BCAS1: variants seen among roughly 807,000 people sequenced by gnomAD.
The protein encoded by BCAS1 is breast carcinoma-amplified sequence 1.
BCAS1 carries 46 observed loss-of-function variants against 65.4 expected under a neutral mutation model. The ratio of observed to expected loss-of-function variants is 0.70; its 90% CI spans 0.55 to 0.90. BCAS1 has a LOEUF of 0.90. BCAS1 is among the 40% of genes least tolerant of loss of function. The pLI, the probability that BCAS1 is intolerant of heterozygous loss-of-function variation, is 0.00. For synonymous variants in BCAS1, 298 were observed against 293.5 expected, an observed-to-expected ratio of 1.02 and a Z score of -0.16; for missense variants, 793 against 771.2, an observed-to-expected ratio of 1.03 and a Z score of -0.33.
chr20:54,049,005 T>A (rs190032819), intron 3 of BCAS1, among the ~76,000 whole-genome samples: 1 of 152,330 alleles, frequency 6.6e-6, no homozygotes, highest in East Asian at 1.9e-4. Context: ...GGAGAACACA[T>A]GTATTTGCTC....
intron 4 of BCAS1, among the ~76,000 whole-genome samples, chr20:53,996,478 A>AG (rs2090917319): frequency 7.0e-6 from 1 of 142,084 alleles, no homozygotes. Context: ...AAAAAAAAAA[A>AG]AAAAGAAAAA....
chr20:53,952,197 G>T (rs1439661777), intron 12 of BCAS1, among the ~76,000 whole-genome samples: 1 of 152,172 alleles, frequency 6.6e-6, no homozygotes, highest in Admixed American at 6.5e-5. Context: ...ATCATATTTT[G>T]GTATCTATTA....
In BCAS1 at chr20:54,006,825, G is replaced by A. The variant is rs142475963; in HGVS notation, c.724-10775C>T. On this transcript the variant is annotated intron_variant, in intron 4 of 12. Coordinates refer to ENST00000688948, the MANE Select transcript of BCAS1 (RefSeq NM_001366298.2). ...AGAAATTTTTGATCAAATATCTACT[G>A]TGTGCTTCCCACTGATGGAGGCAGT... is the stretch of plus-strand genomic sequence containing the variant. Among the ~76,000 whole-genome samples, 52 of 152,294 alleles carry A rather than the reference G, an allele frequency of 3.4e-4. No homozygotes were observed. The East Asian group carries it at 4.0e-3, about 12-fold the overall frequency.
At chr20:53,954,326 AGAG>A (rs1568805374) in intron 11 of BCAS1, among the ~76,000 whole-genome samples, 7 of 147,630 alleles carry the variant, frequency 4.7e-5, no homozygotes, top group Admixed American at 4.0e-4. Context: ...AGAGAGAGAG[AGAG>A]AGAGAGGGAC....
chr20:54,046,738 A>G (rs2092115309), intron 3 of BCAS1, among the ~76,000 whole-genome samples: 2 of 146,754 alleles, frequency 1.4e-5, no homozygotes, highest in Non-Finnish European at 3.0e-5. Flanking sequence ...CCAGCTATAC[A>G]AGAGGCTGAG....
At chr20:53,994,279 T>G (rs1446447573) in intron 6 of BCAS1, among the ~76,000 whole-genome samples, 1 of 152,208 alleles carries the variant, frequency 6.6e-6, no homozygotes. Flanking sequence ...CCCGTGAAAC[T>G]TAAACCGTGT....
At chr20:54,038,274 C>T (rs1711826393) in intron 3 of BCAS1, among the ~76,000 whole-genome samples, 3 of 151,366 alleles carry the variant, frequency 2.0e-5, no homozygotes, top group Admixed American at 1.3e-4. Context: ...TCTGAAGTAA[C>T]CCCTCCTGCT....
chr20:54,007,666 TA>T (rs1411172954), intron 4 of BCAS1, among the ~76,000 whole-genome samples: 1 of 152,234 alleles, frequency 6.6e-6, no homozygotes, highest in Non-Finnish European at 1.5e-5. Flanking sequence ...GTGAGAGTTT[TA>T]TGGCCTTTCC....
chr20:54,058,838 G>A (rs2092339386), intron 1 of BCAS1, 115 bp from the exon 2 acceptor site: 3 of 1,174,094 alleles, frequency 2.6e-6, no homozygotes, highest in Non-Finnish European at 3.6e-6. Context: ...ATCATCAGCT[G>A]AGATCAGAAC....
chr20:54,060,700 G>A (rs746921697), intron 1 of BCAS1, among the ~76,000 whole-genome samples: 3 of 152,202 alleles, frequency 2.0e-5, no homozygotes, highest in Non-Finnish European at 4.4e-5. Context: ...GGGTAGGATG[G>A]TTCTGAAATG....
At chr20:53,953,746 C>T (rs766349921) in intron 11 of BCAS1, 51 bp from the exon 12 acceptor site, 1 of 1,565,280 alleles carries the variant, frequency 6.4e-7, no homozygotes, top group South Asian at 1.2e-5. Context: ...GGACAACTCT[C>T]AATAGCAAGG....
rs758401921 is a variant in BCAS1 at position 54,028,461 on chromosome 20, T to C, written c.654A>G (p.Ala218=). ...CCTCATCCACCTTGTCTTGATGCTC[T>C]GCCCTCTTGGCTTCCTGTTGGCTGT... The part of the protein sequence containing the change: ...PGDSQQEAKR[A]EHQDKVDEVP... The change falls in exon 4 of 13, where the codon GCA becomes GCG. Residue 218 remains alanine, a synonymous_variant. Coordinates refer to ENST00000688948, the MANE Select transcript of BCAS1 (RefSeq NM_001366298.2). 82 of 1,614,108 alleles carry C rather than the reference T, an allele frequency of 5.1e-5. No individual in the cohort carries two copies. The highest frequency in any genetic ancestry group is 6.5e-5 in the Non-Finnish European group (77 of 1,180,040).
At chr20:53,990,021 G>A (rs966482669) in intron 7 of BCAS1, among the ~76,000 whole-genome samples, 9 of 152,200 alleles carry the variant, frequency 5.9e-5, no homozygotes, top group East Asian at 3.8e-4. Context: ...TTTGGAGATT[G>A]TATGTCAAAT....
In BCAS1 at chr20:53,944,998, TG is replaced by T; in HGVS notation, c.1816-3del. 1 of 1,614,018 alleles carries T rather than the reference TG, an allele frequency of 6.2e-7. No homozygotes were observed. On this transcript the variant is annotated splice_polypyrimidine_tract_variant and splice_region_variant and intron_variant, in intron 12 of 12. Coordinates refer to ENST00000688948, the MANE Select transcript of BCAS1 (RefSeq NM_001366298.2). ...AGCATCCAACATCCGCTTTGGTCCCTGGAGAAAAACAGAAAGACGTGGCAGC... is the reference window on the plus strand; with the variant it reads ...AGCATCCAACATCCGCTTTGGTCCCTGAGAAAAACAGAAAGACGTGGCAGC...
chr20:54,007,900 G>A (rs2091236190), intron 4 of BCAS1, among the ~76,000 whole-genome samples: 1 of 152,212 alleles, frequency 6.6e-6, no homozygotes, highest in Non-Finnish European at 1.5e-5. Context: ...CAGACCAGCT[G>A]AGGACCCGAG....
At chr20:54,032,844 A>G (rs1449753078) in intron 3 of BCAS1, among the ~76,000 whole-genome samples, 1 of 151,306 alleles carries the variant, frequency 6.6e-6, no homozygotes, top group Non-Finnish European at 1.5e-5. Flanking sequence ...GGAGACCTTC[A>G]AACAGACTTA....
At chr20:54,034,458 C>T (rs1243549704) in intron 3 of BCAS1, among the ~76,000 whole-genome samples, 1 of 151,186 alleles carries the variant, frequency 6.6e-6, no homozygotes, top group South Asian at 2.1e-4. Context: ...AATAAATGTG[C>T]AAAAATTACT....
chr20:54,002,111 A>G (rs923512348), intron 4 of BCAS1, among the ~76,000 whole-genome samples: 8 of 151,008 alleles, frequency 5.3e-5, no homozygotes, highest in Non-Finnish European at 8.8e-5. Flanking sequence ...TCTGCCTCAT[A>G]CTATGTGAGG....
intron 7 of BCAS1, among the ~76,000 whole-genome samples, chr20:53,991,680 T>C (rs2090763036): frequency 6.6e-6 from 1 of 152,180 alleles, no homozygotes; most frequent in Admixed American, 6.5e-5. Flanking sequence ...TCTGCCTTCA[T>C]TCATTGCTTT....
Sources: gnomAD v4.1 joint callset for allele counts (sites outside exome capture counted in the v4.1 genomes callset) on GRCh38, gnomAD v4.1.1 for gene constraint, MANE v1.5 for transcripts, NCBI Gene and HGNC (gene_info 2026-07-23, HGNC 2026-07-21) for gene names.